The following PSD2 variants were observed in gnomAD, a reference collection of about 807,000 sequenced individuals.
The protein encoded by PSD2 is PH and SEC7 domain-containing protein 2.
A neutral mutation model predicts 69.8 loss-of-function variants in PSD2; 38 were observed. That is an observed-to-expected ratio of 0.54 (90% confidence interval 0.42 to 0.71). The LOEUF is 0.71. PSD2 is among the 30% of genes least tolerant of loss of function. PSD2 has a pLI of 0.00. For synonymous variants in PSD2, 412 were observed against 423.0 expected (o/e 0.97, Z 0.32); for missense variants, 943 against 1,014.5 (o/e 0.93, Z 0.96).
rs757380924 is a variant in PSD2, at chr5:139,809,747, G to A, written c.307G>A (p.Val103Met). The change falls in exon 2 of 15, where the codon GTG (valine) becomes ATG (methionine). Residue 103 changes from valine to methionine, a missense_variant. This residue lies in a region of PSD2 where 466 missense variants were observed against 445.0 expected (regional missense o/e 1.05). Coordinates refer to ENST00000274710, the MANE Select transcript of PSD2 (RefSeq NM_032289.4). ...SAESRPWRAGVLAEGDNASRS... is the reference protein window; with the variant it reads ...SAESRPWRAGMLAEGDNASRS... ...GGAGTCCAGGCCCTGGAGGGCTGGC[G>A]TGCTGGCAGAGGGGGACAATGCTTC... 3.3e-5 allele frequency: 53 copies of A among 1,614,090 alleles called. No homozygotes were observed. Among genetic ancestry groups the A allele is most frequent in the South Asian group, 2.2e-4 (20 of 91,092 alleles).
At chr5:139,822,557 TG>T (rs1190647915) in intron 6 of PSD2, among the ~76,000 whole-genome samples, 168 bp from the exon 7 acceptor site, 5 of 152,190 alleles carry the variant, frequency 3.3e-5, no homozygotes, top group African/African-American at 1.2e-4. Flanking sequence ...ACTTGGGTCC[TG>T]CAGTTGGGGC....
Position 139,813,233 on chromosome 5 carries a change from A to C in PSD2, c.372-76A>C, listed in dbSNP as rs536016242. 2.3e-5 allele frequency: 29 copies of C among 1,279,038 alleles called. 1 individual carries two copies. Among genetic ancestry groups the C allele is most frequent in the Middle Eastern group, 3.9e-4 (2 of 5,160 alleles). The allele number at this position is 1,279,038 out of a possible 1,614,324, so 79.2% of individuals were successfully genotyped here. A position where few individuals can be genotyped will look rare whatever the true frequency, so the allele number is the denominator to read the frequency against. ...GTGTGCCCCCAGGGGGCTCCCAGACACAGATGAGTGTAGTCACCAGCACCT... is the reference window on the plus strand; with the variant it reads ...GTGTGCCCCCAGGGGGCTCCCAGACCCAGATGAGTGTAGTCACCAGCACCT... On this transcript the variant is annotated intron_variant, in intron 2 of 14. Coordinates refer to ENST00000274710, the MANE Select transcript of PSD2 (RefSeq NM_032289.4).
upstream of PSD2, among the ~76,000 whole-genome samples, chr5:139,792,738 CTTTT>C (rs940834917): frequency 1.1e-4 from 17 of 151,814 alleles, no homozygotes; most frequent in African/African-American, 4.1e-4. Context: ...TTCTCTCTTT[CTTTT>C]TTCTTTCTTT....
chr5:139,789,821 G>A, the PSD2 span, among the ~76,000 whole-genome samples: 2 of 152,064 alleles, frequency 1.3e-5, no homozygotes, highest in African/African-American at 4.8e-5. Context: ...ATATACATAT[G>A]TGTTATGGAG....
At chr5:139,753,128 T>C in the PSD2 span, among the ~76,000 whole-genome samples, 40 of 152,094 alleles carry the variant, frequency 2.6e-4, no homozygotes, top group East Asian at 1.9e-4. Context: ...AGCCCAGCCA[T>C]TGGGAGACCA....
intron 2 of PSD2, among the ~76,000 whole-genome samples, chr5:139,812,211 G>A (rs918775252): frequency 1.3e-5 from 2 of 152,220 alleles, no homozygotes; most frequent in Admixed American, 6.5e-5. Flanking sequence ...GTTGGAAGGA[G>A]ATAAGTGCTT....
At chr5:139,827,682 C>G (rs1010298455) in intron 7 of PSD2, among the ~76,000 whole-genome samples, 1 of 152,202 alleles carries the variant, frequency 6.6e-6, no homozygotes, top group African/African-American at 2.4e-5. Flanking sequence ...CCTCAGGAAA[C>G]TTACAATCAT....
chr5:139,763,440 A>T, the PSD2 span, among the ~76,000 whole-genome samples: 1 of 152,120 alleles, frequency 6.6e-6, no homozygotes, highest in Non-Finnish European at 1.5e-5. Flanking sequence ...AGGCAGAAGG[A>T]TCTTTGCCGG....
At chr5:139,790,051 G>A in the PSD2 span, among the ~76,000 whole-genome samples, 2 of 152,080 alleles carry the variant, frequency 1.3e-5, no homozygotes, top group Non-Finnish European at 2.9e-5. Flanking sequence ...GGAGGGGACC[G>A]GTGTGTCTGC....
chr5:139,823,602 C>T (rs60081477), intron 7 of PSD2, among the ~76,000 whole-genome samples: 29,263 of 151,994 alleles, frequency 0.19, 3,263 homozygotes, highest in African/African-American at 0.3. Flanking sequence ...TGTGTGATCC[C>T]GGGCAAGCAC....
At chr5:139,807,888 C>A (rs1759851920) in intron 1 of PSD2, among the ~76,000 whole-genome samples, 1 of 152,216 alleles carries the variant, frequency 6.6e-6, no homozygotes, top group African/African-American at 2.4e-5. Context: ...GAGGAGCATA[C>A]CCCTTCCCTG....
intron 8 of PSD2, among the ~76,000 whole-genome samples, chr5:139,834,988 A>G (rs1388227791): frequency 1.3e-5 from 2 of 151,074 alleles, no homozygotes; most frequent in African/African-American, 4.9e-5. Flanking sequence ...CTCGCATAGC[A>G]ACCACTCACC....
rs1760819727 is a variant in PSD2, at chr5:139,839,546, C to T, written c.1969-481C>T. ...TGCCCATCAGCGACAGTGTCTCCGC[C>T]TGTCTTTGGGTGTGATCCTGGGTCT... is the stretch of plus-strand genomic sequence containing the variant. On this transcript the variant is annotated intron_variant, in intron 13 of 14. Coordinates refer to ENST00000274710, the MANE Select transcript of PSD2 (RefSeq NM_032289.4). The surrounding 1 kb of genome is among the most constrained non-coding windows in gnomAD (Gnocchi z 5.1). 6.6e-6 allele frequency among the ~76,000 whole-genome samples: 1 copy of T among 152,226 alleles called. No individual in the cohort carries two copies.
chr5:139,743,981 C>T, the PSD2 span: 1 of 152,654 alleles, frequency 6.6e-6, no homozygotes, highest in East Asian at 1.9e-4. Flanking sequence ...TGGGGCAAGT[C>T]ACTTCACTCT....
the PSD2 span, among the ~76,000 whole-genome samples, chr5:139,768,450 T>C: frequency 3.3e-5 from 5 of 152,270 alleles, no homozygotes; most frequent in East Asian, 1.9e-4. Flanking sequence ...TGGCCAGGCA[T>C]GGTGGCTCAA....
In PSD2 at chr5:139,842,314, T is replaced by C; in HGVS notation, c.2156T>C (p.Ile719Thr). ...ETYIHLLAMK[I>T]KVGSDDLERI... ...TATATCCACCTCCTGGCTATGAAAA[T>C]CAAAGTGGGCTCAGATGATCTGGAG... Residue 719 changes from isoleucine (I) to threonine (T), a missense_variant, in exon 15 of 15, where the codon ATC becomes ACC. By Grantham distance (89) the Ile-to-Thr change is moderately conservative. Transcript: ENST00000274710. 6.2e-7 allele frequency: 1 copy of C among 1,614,142 alleles called. No homozygotes were observed. The highest frequency in any genetic ancestry group is 1.6e-4 in the Middle Eastern group (1 of 6,062).
In PSD2 at chr5:139,843,278, G is replaced by A. The variant is rs1445596765; in HGVS notation, c.*804G>A. 6.6e-6 allele frequency: 1 copy of A among 152,240 alleles called. No individual in the cohort carries two copies. Among genetic ancestry groups the A allele is most frequent in the Non-Finnish European group, 1.5e-5 (1 of 68,044 alleles). The allele number at this position is 152,240 out of a possible 1,614,324, so 9.4% of individuals were successfully genotyped here. A position where few individuals can be genotyped will look rare whatever the true frequency, so the allele number is the denominator to read the frequency against. Reference sequence around the variant, plus strand: ...CCTGGCATTCCTGACGCTCTAGGAGGGAAGGGGGAGGCAGTGCTGGCCTCC... The same window carrying A: ...CCTGGCATTCCTGACGCTCTAGGAGAGAAGGGGGAGGCAGTGCTGGCCTCC... On this transcript the variant is annotated 3_prime_UTR_variant, in exon 15 of 15. Transcript: ENST00000274710.
the PSD2 span, among the ~76,000 whole-genome samples, chr5:139,750,198 C>T: frequency 4.6e-5 from 7 of 151,830 alleles, no homozygotes; most frequent in South Asian, 2.1e-4. Context: ...TAGTGGCAGG[C>T]GCCTGTAGTC....
chr5:139,822,071 A>G (rs1308502126), intron 6 of PSD2, 66 bp downstream of exon 6: 1 of 1,029,644 alleles, frequency 9.7e-7, no homozygotes, highest in African/African-American at 1.6e-5. Flanking sequence ...GTCCCCTCCC[A>G]TCCTGGTCCA....
Sources: allele counts gnomAD v4.1 joint callset (sites outside exome capture counted in the v4.1 genomes callset), GRCh38; gene constraint gnomAD v4.1.1; regional missense constraint gnomAD v4.1.1; non-coding constraint Gnocchi (gnomAD v3.1); transcripts MANE v1.5; gene names NCBI Gene and HGNC (gene_info 2026-07-23, HGNC 2026-07-21).